The following R3HDM1 variants were observed in gnomAD, a reference collection of about 807,000 sequenced individuals.
R3HDM1 encodes the protein R3H domain containing 1, also known as R3H domain-containing protein 1.
In R3HDM1, 46 loss-of-function variants were observed where a neutral mutation model predicts 141.1. The observed-to-expected ratio is 0.33, with a 90% confidence interval of 0.26 to 0.42. The LOEUF (loss-of-function observed/expected upper bound fraction) is 0.42. Among genes scored for constraint, R3HDM1 ranks in the 10% least tolerant of loss-of-function variants. R3HDM1 has a pLI of 1.00. For missense variants in R3HDM1, 1,184 were observed against 1,368.3 expected (o/e 0.87, Z 2.12); for synonymous variants, 435 against 472.9 (o/e 0.92, Z 1.04).
At chr2:135,577,180 C>A (rs1027119070) in intron 1 of R3HDM1, 2 of 983,206 alleles carry the variant, frequency 2.0e-6, no homozygotes, top group African/African-American at 1.8e-5. Context: ...ACTCAAAATG[C>A]AGAGACAACC....
intron 1 of R3HDM1, among the ~76,000 whole-genome samples, chr2:135,559,475 A>G (rs964925005): frequency 2.0e-5 from 3 of 152,124 alleles, no homozygotes; most frequent in Admixed American, 6.5e-5. Flanking sequence ...CCCCTGAGAT[A>G]TTTTGGGATG....
intron 5 of R3HDM1, chr2:135,620,646 T>C: frequency 1.0e-6 from 1 of 977,564 alleles, no homozygotes; most frequent in Non-Finnish European, 1.2e-6. Flanking sequence ...TATAATTTAG[T>C]CTAAAAATAG....
At chr2:135,720,913 G>A (rs1179672555) in intron 24 of R3HDM1, among the ~76,000 whole-genome samples, 1 of 152,146 alleles carries the variant, frequency 6.6e-6, no homozygotes, top group South Asian at 2.1e-4. Flanking sequence ...AATCATAATA[G>A]AGTGATATGG....
In R3HDM1 at chr2:135,616,869, T is replaced by C. The variant is rs1166595799; in HGVS notation, c.303+112T>C. Reference sequence around the variant, plus strand: ...TTTTATTTTGACTAAATGAAACTTATTCAATAATACTTGGCACCCAAGAGA... The same window carrying C: ...TTTTATTTTGACTAAATGAAACTTACTCAATAATACTTGGCACCCAAGAGA... On this transcript the variant is annotated intron_variant, in intron 5 of 26. Transcript: ENST00000683871. The C allele has an allele frequency of 6.3e-6, 6 of 951,108 alleles. No homozygotes were observed. The South Asian group carries it at 6.6e-5, about 10-fold the overall frequency. 58.9% of individuals were successfully genotyped at this position (951,108 alleles called of 1,614,324 possible).
chr2:135,662,535 T>A (rs1454405060), intron 19 of R3HDM1, among the ~76,000 whole-genome samples: 1 of 152,238 alleles, frequency 6.6e-6, no homozygotes, highest in Non-Finnish European at 1.5e-5. Context: ...CCCTTTTTAG[T>A]ATGTTACTAG....
chr2:135,584,435 T>C, intron 1 of R3HDM1: 3 of 917,410 alleles, frequency 3.3e-6, no homozygotes, highest in Non-Finnish European at 3.9e-6. Flanking sequence ...ACAACATCAT[T>C]AGAAACCTAA....
chr2:135,569,536 A>G (rs1241382934), intron 1 of R3HDM1, among the ~76,000 whole-genome samples: 1 of 152,048 alleles, frequency 6.6e-6, no homozygotes, highest in Non-Finnish European at 1.5e-5. Context: ...AAAGTAGTTA[A>G]GCACATGGAT....
chr2:135,609,489 C>A (rs537889805), intron 3 of R3HDM1, among the ~76,000 whole-genome samples: 1 of 152,174 alleles, frequency 6.6e-6, no homozygotes, highest in African/African-American at 2.4e-5. Flanking sequence ...AATTTTTCTG[C>A]TGCCACACAC....
chr2:135,577,096 G>GA, intron 1 of R3HDM1: 4 of 953,640 alleles, frequency 4.2e-6, no homozygotes, highest in Non-Finnish European at 5.0e-6. Context: ...TAAAGAGAGA[G>GA]AAAAAAAGAC....
At chr2:135,650,640 A>AT (rs1391123127) in intron 17 of R3HDM1, 5 of 982,502 alleles carry the variant, frequency 5.1e-6, no homozygotes, top group African/African-American at 1.8e-5. Flanking sequence ...TCATAGGTAC[A>AT]TTTTTTTTCC....
chr2:135,698,001 C>A (rs577599641), intron 21 of R3HDM1, among the ~76,000 whole-genome samples: 2 of 144,458 alleles, frequency 1.4e-5, no homozygotes, highest in Non-Finnish European at 3.0e-5. Flanking sequence ...TGTAATGAGC[C>A]GAGATGGTGC....
chr2:135,592,034 T>C (rs929686128), intron 1 of R3HDM1, among the ~76,000 whole-genome samples: 6 of 152,196 alleles, frequency 3.9e-5, no homozygotes, highest in Non-Finnish European at 7.4e-5. Context: ...ATTAATTGAA[T>C]CATTGGCCAT....
chr2:135,673,703 G>A (rs2068732918), intron 19 of R3HDM1, among the ~76,000 whole-genome samples: 1 of 152,192 alleles, frequency 6.6e-6, no homozygotes, highest in African/African-American at 2.4e-5. Context: ...AGACTGGTGA[G>A]AAGGAAGTCA....
intron 21 of R3HDM1, among the ~76,000 whole-genome samples, chr2:135,682,535 G>A (rs1045427596): frequency 1.1e-4 from 16 of 152,208 alleles, no homozygotes; most frequent in African/African-American, 3.1e-4. Flanking sequence ...TGTCAAGCGA[G>A]TGCTGATGAC....
chr2:135,699,037 AGAT>A (rs2073792131), intron 21 of R3HDM1, among the ~76,000 whole-genome samples: 2 of 99,812 alleles, frequency 2.0e-5, no homozygotes, highest in Non-Finnish European at 4.6e-5. Flanking sequence ...ATAGATAGAT[AGAT>A]AGATAAGATA....
intron 19 of R3HDM1, chr2:135,669,335 C>A: frequency 1.0e-6 from 1 of 985,210 alleles, no homozygotes; most frequent in Non-Finnish European, 1.2e-6. Flanking sequence ...AACTAACTAC[C>A]CAAAAATTTT....
At chr2:135,566,606 CT>C (rs1413559419) in intron 1 of R3HDM1, 1 of 220,054 alleles carries the variant, frequency 4.5e-6, no homozygotes, top group African/African-American at 2.3e-5. Context: ...TTGAGTAGTG[CT>C]TCTGTCAGCA....
intron 19 of R3HDM1, among the ~76,000 whole-genome samples, chr2:135,667,938 T>G (rs2067780776): frequency 6.6e-6 from 1 of 152,362 alleles, no homozygotes; most frequent in Non-Finnish European, 1.5e-5. Flanking sequence ...GAAATTTCTT[T>G]GTTTAAACAA....
chr2:135,630,300 A>AC (rs1559291441), intron 7 of R3HDM1, among the ~76,000 whole-genome samples: 21 of 145,662 alleles, frequency 1.4e-4, no homozygotes, highest in Admixed American at 1.1e-3. Context: ...AAAAAAAAAA[A>AC]AAAAAAAACA....
Sources: gnomAD v4.1 joint callset for allele counts (sites outside exome capture counted in the v4.1 genomes callset) on GRCh38, gnomAD v4.1.1 for gene constraint, MANE v1.5 for transcripts, NCBI Gene and HGNC (gene_info 2026-07-23, HGNC 2026-07-21) for gene names.